Variants in NPFFR2 observed in about 807,000 individuals in gnomAD.
NPFFR2 encodes the protein neuropeptide FF receptor 2, also known as G-protein coupled receptor 74.
Under a neutral mutation model 13.1 loss-of-function variants are expected in NPFFR2, and 15 were observed. The ratio of observed to expected loss-of-function variants is 1.15; its 90% CI spans 0.77 to 1.76. The LOEUF (loss-of-function observed/expected upper bound fraction) is 1.76, where lower values mean the gene tolerates loss of function less well. Among genes scored for constraint, NPFFR2 ranks in the 40% most tolerant of loss-of-function variants. NPFFR2 has a pLI of 0.00. For missense variants in NPFFR2, 572 were observed against 503.5 expected (o/e 1.14, Z -1.30); for synonymous variants, 190 against 175.7 (o/e 1.08, Z -0.65).
At chr4:72,048,832 G>T (rs563905057) in intron 1 of NPFFR2, among the ~76,000 whole-genome samples, 1 of 151,606 alleles carries the variant, frequency 6.6e-6, no homozygotes, top group South Asian at 2.1e-4. Context: ...AATCTTTTTC[G>T]TAATTTCACA....
At chr4:72,099,128 G>A (rs898906764) in intron 1 of NPFFR2, among the ~76,000 whole-genome samples, 5 of 152,066 alleles carry the variant, frequency 3.3e-5, no homozygotes, top group African/African-American at 9.7e-5. Flanking sequence ...TTTTCCTGAC[G>A]TGTCATTAAA....
chr4:72,056,079 A>T (rs1302062077), intron 1 of NPFFR2, among the ~76,000 whole-genome samples: 1 of 152,058 alleles, frequency 6.6e-6, no homozygotes, highest in East Asian at 1.9e-4. Flanking sequence ...GAAAGTGGCT[A>T]CACTAAGTAA....
At chr4:72,089,032 G>T (rs7660003) in intron 1 of NPFFR2, among the ~76,000 whole-genome samples, 146,749 of 152,142 alleles carry the variant, frequency 0.96, 71,003 homozygotes, top group East Asian at 1. Context: ...TTCTTATGCC[G>T]TTATGTCCTC....
At chr4:72,118,678 G>A (rs1721780292) in intron 1 of NPFFR2, among the ~76,000 whole-genome samples, 1 of 151,998 alleles carries the variant, frequency 6.6e-6, no homozygotes, top group Admixed American at 6.6e-5. Context: ...TACAATCTAT[G>A]AAACAAAAAT....
chr4:72,078,122 A>G (rs991515544), intron 1 of NPFFR2, among the ~76,000 whole-genome samples: 81 of 152,094 alleles, frequency 5.3e-4, no homozygotes, highest in African/African-American at 1.7e-3. Context: ...AGTAGATGCC[A>G]TGGGTAATCA....
intron 1 of NPFFR2, among the ~76,000 whole-genome samples, chr4:72,066,336 C>T (rs549634073): frequency 2.0e-5 from 3 of 152,244 alleles, no homozygotes; most frequent in Admixed American, 2.0e-4. Flanking sequence ...AATACCATCT[C>T]GTTGGTCATT....
intron 1 of NPFFR2, among the ~76,000 whole-genome samples, chr4:72,079,053 AAC>A (rs59522916): frequency 0.029 from 3,989 of 138,958 alleles, 118 homozygotes; most frequent in East Asian, 0.13. Context: ...CATAGAACTA[AAC>A]ACACACACAC....
At chr4:72,132,582 C>T (rs1722283309) in intron 2 of NPFFR2, among the ~76,000 whole-genome samples, 1 of 152,180 alleles carries the variant, frequency 6.6e-6, no homozygotes, top group Non-Finnish European at 1.5e-5. Flanking sequence ...ACATTGTCCT[C>T]CAGAATGGTT....
At chr4:72,080,646 C>T (rs371831562) in intron 1 of NPFFR2, among the ~76,000 whole-genome samples, 1 of 152,074 alleles carries the variant, frequency 6.6e-6, no homozygotes, top group African/African-American at 2.4e-5. Context: ...AAAGATAGAA[C>T]ATACCAATTT....
chr4:72,090,889 G>A (rs1720898980), intron 1 of NPFFR2, among the ~76,000 whole-genome samples: 1 of 152,234 alleles, frequency 6.6e-6, no homozygotes, highest in Admixed American at 6.5e-5. Flanking sequence ...GGGCATCCTT[G>A]TCTTGTTTCA....
intron 1 of NPFFR2, among the ~76,000 whole-genome samples, chr4:72,115,683 G>A (rs1459644121): frequency 2.6e-5 from 4 of 152,100 alleles, no homozygotes; most frequent in Admixed American, 6.6e-5. Context: ...TTCTTTCTTA[G>A]ATGAGTTTTA....
chr4:72,091,693 T>A (rs1465608307), intron 1 of NPFFR2, among the ~76,000 whole-genome samples: 1 of 152,172 alleles, frequency 6.6e-6, no homozygotes, highest in African/African-American at 2.4e-5. Flanking sequence ...CCTGTTTTGT[T>A]TTTAATTGAG....
intron 1 of NPFFR2, among the ~76,000 whole-genome samples, chr4:72,052,414 A>T (rs1481883364): frequency 2.7e-5 from 4 of 148,544 alleles, no homozygotes; most frequent in Non-Finnish European, 6.0e-5. Flanking sequence ...ATCTCAATAG[A>T]TGCAGAAAAG....
chr4:72,070,635 T>G (rs1720225249), intron 1 of NPFFR2, among the ~76,000 whole-genome samples: 1 of 151,332 alleles, frequency 6.6e-6, no homozygotes, highest in Non-Finnish European at 1.5e-5. Flanking sequence ...TGATAGTTAT[T>G]TTATCAGACA....
chr4:72,074,606 C>G (rs1354975074), intron 1 of NPFFR2, among the ~76,000 whole-genome samples: 1 of 151,630 alleles, frequency 6.6e-6, no homozygotes, highest in Admixed American at 6.6e-5. Context: ...GGAGCGTATC[C>G]CCTATGGGTA....
At chr4:72,146,942 A>G (rs1460938673) in intron 3 of NPFFR2, 36 bp from the exon 4 acceptor site, 1 of 1,427,648 alleles carries the variant, frequency 7.0e-7, no homozygotes, top group Admixed American at 1.8e-5. Flanking sequence ...AGAAGTGATG[A>G]AGCAGTGCCT....
rs776768663 is a variant in NPFFR2, at chr4:72,128,877, A to G, written c.286A>G (p.Ile96Val). 1.2e-6 allele frequency: 2 copies of G among 1,613,992 alleles called. No homozygotes were observed. Among genetic ancestry groups the G allele is most frequent in the South Asian group, 1.1e-5 (1 of 91,080 alleles). ...GGCCATAAGTGATTTACTAGTTGGC[A>G]TATTCTGCATGCCTATAACACTGCT... is the stretch of plus-strand genomic sequence containing the variant. ...NLAISDLLVG[I>V]FCMPITLLDN... The change falls in exon 2 of 4, where the codon ATA becomes GTA. Residue 96 changes from isoleucine (I) to valine (V), a missense_variant. Physicochemically the swap from Ile to Val is conservative, Grantham distance 29 (BLOSUM62 3). Transcript: ENST00000308744.
intron 2 of NPFFR2, among the ~76,000 whole-genome samples, chr4:72,137,548 C>G (rs16847520): frequency 0.034 from 5,199 of 152,102 alleles, 292 homozygotes; most frequent in African/African-American, 0.12. Flanking sequence ...CTCCTGATTC[C>G]TCATAATTTT....
rs531950420 is a variant in NPFFR2, at chr4:72,101,227, A to G, written c.-7-27358A>G. 2.6e-5 allele frequency among the ~76,000 whole-genome samples: 4 copies of G among 152,166 alleles called. No individual in the cohort carries two copies. The East Asian group carries it at 5.8e-4, about 22-fold the overall frequency. On this transcript the variant is annotated intron_variant, in intron 1 of 3. Transcript: ENST00000308744. ...AATTTACTGAGGTAATTCACATGCCATACAATTCTCCTATTTATGCACATT... is the reference window on the plus strand; with the variant it reads ...AATTTACTGAGGTAATTCACATGCCGTACAATTCTCCTATTTATGCACATT...
Sources: gnomAD v4.1 joint callset for allele counts (sites outside exome capture counted in the v4.1 genomes callset) on GRCh38, gnomAD v4.1.1 for gene constraint, MANE v1.5 for transcripts, NCBI Gene and HGNC (gene_info 2026-07-23, HGNC 2026-07-21) for gene names.